KAZN: variants seen among roughly 807,000 people sequenced by gnomAD.
The protein encoded by KAZN is kazrin.
A neutral mutation model predicts 87.4 loss-of-function variants in KAZN; 40 were observed. That is an observed-to-expected ratio of 0.46 (90% CI 0.36 to 0.60). The LOEUF is 0.60. Ranked by LOEUF, KAZN falls within the 20% of genes least tolerant of loss-of-function variation. KAZN has a pLI of 0.00. For synonymous variants in KAZN, 466 were observed against 458.3 expected (o/e 1.02, Z -0.22); for missense variants, 898 against 1,073.9 (o/e 0.84, Z 2.29).
intron 2 of KAZN, among the ~76,000 whole-genome samples, chr1:14,185,128 A>T (rs1646276632): frequency 6.6e-6 from 1 of 152,180 alleles, no homozygotes; most frequent in Non-Finnish European, 1.5e-5. Flanking sequence ...AAGGTCACAG[A>T]TGCTGGCTGC....
intron 2 of KAZN, among the ~76,000 whole-genome samples, chr1:15,001,026 C>G (rs1668411194): frequency 2.0e-5 from 3 of 149,712 alleles, no homozygotes; most frequent in African/African-American, 7.7e-5. Flanking sequence ...TCGCTTGAGC[C>G]CAGGAGTTCG....
At chr1:14,738,610 T>C (rs1206832954) in intron 1 of KAZN, among the ~76,000 whole-genome samples, 1 of 152,126 alleles carries the variant, frequency 6.6e-6, no homozygotes, top group African/African-American at 2.4e-5. Flanking sequence ...TATGCACTTC[T>C]AATGAGCTTC....
intron 1 of KAZN, among the ~76,000 whole-genome samples, chr1:14,873,022 GGGTGGGTGGATA>G (rs1469447832): frequency 2.0e-5 from 3 of 151,158 alleles, no homozygotes; most frequent in Admixed American, 6.6e-5. Context: ...ATGGATGGAT[GGGTGGGTGGATA>G]GATAGATGAA....
intron 1 of KAZN, among the ~76,000 whole-genome samples, chr1:14,129,986 C>T (rs1644957813): frequency 6.6e-6 from 1 of 152,134 alleles, no homozygotes; most frequent in African/African-American, 2.4e-5. Flanking sequence ...CAAATATAGC[C>T]AGCAACCTGC....
chr1:14,725,993 A>G (rs1643363956), intron 1 of KAZN, among the ~76,000 whole-genome samples: 1 of 152,210 alleles, frequency 6.6e-6, no homozygotes. Context: ...AAACACTGTT[A>G]TCTCTTGGCT....
At chr1:14,838,651 C>A (rs1647571011) in intron 1 of KAZN, among the ~76,000 whole-genome samples, 1 of 152,156 alleles carries the variant, frequency 6.6e-6, no homozygotes. Context: ...GACAGAGTCT[C>A]ATTCTGTCAC....
chr1:14,315,245 A>T (rs188797659), intron 2 of KAZN, among the ~76,000 whole-genome samples: 20 of 152,220 alleles, frequency 1.3e-4, no homozygotes, highest in South Asian at 2.1e-4. Flanking sequence ...TGTCTGGTTC[A>T]TCCATCTCTG....
intron 2 of KAZN, among the ~76,000 whole-genome samples, chr1:14,980,726 C>T (rs1376060805): frequency 6.6e-6 from 1 of 152,072 alleles, no homozygotes; most frequent in African/African-American, 2.4e-5. Context: ...GGGGGTGTCT[C>T]GGAAACCATT....
At chr1:14,099,246 G>A (rs879787778) in intron 1 of KAZN, among the ~76,000 whole-genome samples, 24 of 152,154 alleles carry the variant, frequency 1.6e-4, no homozygotes, top group Non-Finnish European at 1.5e-5. Flanking sequence ...CCTGTGCAGG[G>A]ACAGGGTGGG....
chr1:14,330,596 C>T (rs923101409), intron 2 of KAZN, among the ~76,000 whole-genome samples: 2 of 152,172 alleles, frequency 1.3e-5, no homozygotes, highest in African/African-American at 2.4e-5. Context: ...GATTTGCCAT[C>T]AGGGACTGTG....
intron 1 of KAZN, among the ~76,000 whole-genome samples, chr1:14,797,898 T>C (rs1000685974): frequency 7.9e-5 from 12 of 152,190 alleles, no homozygotes; most frequent in African/African-American, 2.9e-4. Flanking sequence ...ATGCCAGCTC[T>C]CATTTATTCA....
At chr1:14,970,348 G>T (rs2101831895) in intron 2 of KAZN, among the ~76,000 whole-genome samples, 1 of 152,252 alleles carries the variant, frequency 6.6e-6, no homozygotes, top group South Asian at 2.1e-4. Context: ...CGTGGGCGGG[G>T]CTCTGCAAGG....
At chr1:14,433,453 ACG>A (rs1666198726) in intron 2 of KAZN, among the ~76,000 whole-genome samples, 2 of 152,150 alleles carry the variant, frequency 1.3e-5, no homozygotes, top group Non-Finnish European at 2.9e-5. Flanking sequence ...TCCAAAATGC[ACG>A]TGTTGAAGCC....
At chr1:14,701,434 T>C (rs1199320252) in intron 1 of KAZN, among the ~76,000 whole-genome samples, 1 of 152,148 alleles carries the variant, frequency 6.6e-6, no homozygotes, top group Non-Finnish European at 1.5e-5. Context: ...CCCAGCCTAG[T>C]ATAATTTTTA....
intron 2 of KAZN, among the ~76,000 whole-genome samples, chr1:14,465,509 G>A (rs1668076580): frequency 6.6e-6 from 1 of 151,384 alleles, no homozygotes; most frequent in Non-Finnish European, 1.5e-5. Context: ...AGCTTCCCTA[G>A]CACAGAACCA....
At chr1:13,922,050 A>C (rs747197467) in intron 1 of KAZN, among the ~76,000 whole-genome samples, 1 of 152,112 alleles carries the variant, frequency 6.6e-6, no homozygotes, top group East Asian at 1.9e-4. Context: ...TGACACATAT[A>C]CTGGTGCAAT....
chr1:14,288,287 T>G (rs1212208277), intron 2 of KAZN, among the ~76,000 whole-genome samples: 3 of 152,206 alleles, frequency 2.0e-5, no homozygotes, highest in African/African-American at 7.2e-5. Context: ...TGGTAGAATT[T>G]GGCTGTGTAT....
At chr1:14,576,028 C>T (rs1346476009) in intron 2 of KAZN, among the ~76,000 whole-genome samples, 2 of 152,014 alleles carry the variant, frequency 1.3e-5, no homozygotes, top group East Asian at 3.9e-4. Flanking sequence ...CGATTCTTAC[C>T]CAAAGCATCC....
In KAZN at chr1:14,958,135, G is replaced by T. The variant is rs934298211; in HGVS notation, c.227-2549G>T. 2.6e-5 allele frequency among the ~76,000 whole-genome samples: 4 copies of T among 152,186 alleles called. No individual in the cohort carries two copies. In the South Asian group the frequency reaches 8.3e-4, roughly 31 times the overall value. The stretch of plus-strand genomic sequence containing the variant: ...CCCTCCCCTGGACCTGGCTCTGCCC[G>T]CTCAGCCTCGAGGCCAGTGGATCCC... On this transcript the variant is annotated intron_variant, in intron 1 of 14. Coordinates refer to ENST00000376030, the MANE Select transcript of KAZN (RefSeq NM_201628.3).
Sources: gnomAD v4.1 joint callset for allele counts (sites outside exome capture counted in the v4.1 genomes callset) on GRCh38, gnomAD v4.1.1 for gene constraint, MANE v1.5 for transcripts, NCBI Gene and HGNC (gene_info 2026-07-23, HGNC 2026-07-21) for gene names.